HUNK: variants seen among roughly 807,000 people sequenced by gnomAD.
HUNK encodes the protein hormonally up-regulated neu tumor-associated kinase.
A neutral mutation model predicts 61.0 loss-of-function variants in HUNK; 21 were observed. The ratio of observed to expected loss-of-function variants is 0.34; its 90% CI spans 0.24 to 0.50. HUNK has a LOEUF of 0.50. HUNK is among the 20% of genes least tolerant of loss of function. The probability of loss-of-function intolerance (pLI) is 0.98; values close to 1 mark genes in which losing one functional copy is unlikely to be tolerated. For missense variants in HUNK, 772 were observed against 945.7 expected (o/e 0.82, Z 2.41); for synonymous variants, 371 against 386.1 (o/e 0.96, Z 0.46).
intron 8 of HUNK, among the ~76,000 whole-genome samples, chr21:31,988,365 C>T (rs1472436569): frequency 6.6e-6 from 1 of 152,156 alleles, no homozygotes; most frequent in African/African-American, 2.4e-5. Context: ...AGGAAAATGT[C>T]AAATCCAGCT....
At chr21:31,927,643 GA>G (rs111814282) in intron 2 of HUNK, among the ~76,000 whole-genome samples, 267 of 140,136 alleles carry the variant, frequency 1.9e-3, no homozygotes, top group Middle Eastern at 7.5e-3. Flanking sequence ...GACTTGTCTG[GA>G]AAAAAAAAAA....
chr21:31,950,533 TTTCTC>T (rs1451472397), intron 4 of HUNK, among the ~76,000 whole-genome samples: 1 of 152,138 alleles, frequency 6.6e-6, no homozygotes, highest in Non-Finnish European at 1.5e-5. Context: ...ACACATCTGA[TTTCTC>T]TTCCTCTTAA....
intron 1 of HUNK, among the ~76,000 whole-genome samples, chr21:31,892,176 TATATAGAGAGAGAG>T (rs1237614929): frequency 6.0e-5 from 7 of 116,446 alleles, no homozygotes; most frequent in East Asian, 2.9e-4. Context: ...TATATATATA[TATATAGAGAGAGAG>T]AGAGAGAGAG....
chr21:31,878,629 G>A (rs4817439), intron 1 of HUNK, among the ~76,000 whole-genome samples: 17,749 of 152,168 alleles, frequency 0.12, 1,755 homozygotes, highest in East Asian at 0.28. Context: ...CAGCTACTTG[G>A]GTGGCTGACA....
In HUNK at chr21:32,002,723, T is replaced by G. The variant is rs2053254494; in HGVS notation, c.*3539T>G. 6.6e-6 allele frequency: 1 copy of G among 152,152 alleles called. No homozygotes were observed. Among genetic ancestry groups the G allele is most frequent in the Non-Finnish European group, 1.5e-5 (1 of 68,032 alleles). 9.4% of individuals were successfully genotyped at this position (152,152 alleles called of 1,614,324 possible). On this transcript the variant is annotated 3_prime_UTR_variant, in exon 11 of 11. Coordinates refer to ENST00000270112, the MANE Select transcript of HUNK (RefSeq NM_014586.2). ...GGAGGGTGGGATCTAGATGACCTCTTGAAATTGTCCCAGTTACTGCTTCCT... is the reference window on the plus strand; with the variant it reads ...GGAGGGTGGGATCTAGATGACCTCTGGAAATTGTCCCAGTTACTGCTTCCT...
chr21:31,886,383 G>A (rs973613455), intron 1 of HUNK, among the ~76,000 whole-genome samples: 23 of 147,604 alleles, frequency 1.6e-4, no homozygotes, highest in Admixed American at 1.1e-3. Flanking sequence ...CCGAGATTGC[G>A]CCATTGTACT....
intron 2 of HUNK, among the ~76,000 whole-genome samples, chr21:31,930,199 C>T (rs1025687211): frequency 2.6e-5 from 4 of 152,332 alleles, no homozygotes; most frequent in East Asian, 1.9e-4. Context: ...CTGGGCAAAT[C>T]GCTCAGGCTT....
At chr21:31,939,104 T>C (rs1390310154) in intron 2 of HUNK, among the ~76,000 whole-genome samples, 2 of 152,182 alleles carry the variant, frequency 1.3e-5, no homozygotes, top group East Asian at 3.9e-4. Context: ...CCTGGGCTCA[T>C]TTCTCCCTTC....
chr21:31,893,563 G>C (rs1226122418), intron 1 of HUNK, among the ~76,000 whole-genome samples: 3 of 152,012 alleles, frequency 2.0e-5, no homozygotes, highest in Admixed American at 2.0e-4. Flanking sequence ...TGTATTTCTG[G>C]GATTGATGAC....
At chr21:31,973,109 G>C (rs929169319) in intron 6 of HUNK, among the ~76,000 whole-genome samples, 8 of 151,836 alleles carry the variant, frequency 5.3e-5, no homozygotes, top group Non-Finnish European at 8.8e-5. Flanking sequence ...CTTCTGCTCC[G>C]ATTGCCCTCT....
intron 4 of HUNK, among the ~76,000 whole-genome samples, chr21:31,949,590 C>G (rs2052834810): frequency 6.6e-6 from 1 of 152,156 alleles, no homozygotes; most frequent in African/African-American, 2.4e-5. Context: ...CACACACACA[C>G]ACACGCACAC....
chr21:31,931,662 C>T (rs2052697329), intron 2 of HUNK, among the ~76,000 whole-genome samples: 1 of 152,206 alleles, frequency 6.6e-6, no homozygotes. Flanking sequence ...GCTCAGCCTC[C>T]TCACTCGGGG....
At chr21:31,933,064 C>T (rs1326617257) in intron 2 of HUNK, among the ~76,000 whole-genome samples, 1 of 151,874 alleles carries the variant, frequency 6.6e-6, no homozygotes, top group African/African-American at 2.4e-5. Context: ...TACAGGCGCC[C>T]ATCACCACAC....
chr21:31,968,842 T>TTGTGTGTGTGTG, intron 6 of HUNK, among the ~76,000 whole-genome samples: 2 of 140,584 alleles, frequency 1.4e-5, no homozygotes, highest in East Asian at 4.4e-4. Context: ...GTGTGTAAAT[T>TTGTGTGTGTGTG]TGTGTGTGTG....
intron 2 of HUNK, among the ~76,000 whole-genome samples, chr21:31,932,411 C>T (rs1213460531): frequency 6.6e-6 from 1 of 152,120 alleles, no homozygotes; most frequent in Non-Finnish European, 1.5e-5. Flanking sequence ...AACTGACCAT[C>T]TTGAAAGAGA....
At chr21:31,943,543 G>C (rs1472744995) in intron 3 of HUNK, among the ~76,000 whole-genome samples, 1 of 152,166 alleles carries the variant, frequency 6.6e-6, no homozygotes, top group Non-Finnish European at 1.5e-5. Context: ...AAGCAAACTG[G>C]TTGTTTCTCT....
At chr21:31,931,334 C>G (rs1021896328) in intron 2 of HUNK, among the ~76,000 whole-genome samples, 1 of 152,110 alleles carries the variant, frequency 6.6e-6, no homozygotes, top group Non-Finnish European at 1.5e-5. Context: ...AATTAATCAC[C>G]TCTTTTAAGT....
At chr21:31,919,364 G>A (rs2052608050) in intron 1 of HUNK, among the ~76,000 whole-genome samples, 1 of 152,188 alleles carries the variant, frequency 6.6e-6, no homozygotes, top group Non-Finnish European at 1.5e-5. Flanking sequence ...AGAGAGTGGG[G>A]AGAAATGCTT....
chr21:31,958,620 T>C (rs2052905848), intron 4 of HUNK, among the ~76,000 whole-genome samples: 1 of 152,074 alleles, frequency 6.6e-6, no homozygotes, highest in East Asian at 1.9e-4. Context: ...CCTCAGATGA[T>C]CCACCTCCCA....
Sources: allele counts gnomAD v4.1 joint callset (sites outside exome capture counted in the v4.1 genomes callset), GRCh38; gene constraint gnomAD v4.1.1; transcripts MANE v1.5; gene names NCBI Gene and HGNC (gene_info 2026-07-23, HGNC 2026-07-21).